MTCL3: variants seen among roughly 807,000 people sequenced by gnomAD.
MTCL3 encodes MTCL family member 3.
chr6:127,510,505 C>CA, the MTCL3 span, among the ~76,000 whole-genome samples: 1 of 152,182 alleles, frequency 6.6e-6, no homozygotes, highest in Non-Finnish European at 1.5e-5. Flanking sequence ...AATGGATAGA[C>CA]AGTCTATGCA....
chr6:127,514,842 C>A, the MTCL3 span: 1 of 1,612,922 alleles, frequency 6.2e-7, no homozygotes, highest in Non-Finnish European at 8.5e-7. Context: ...CTGCTCCAGG[C>A]TGCGCAACAG....
the MTCL3 span, chr6:127,482,991 C>G: frequency 6.3e-7 from 1 of 1,596,688 alleles, no homozygotes; most frequent in Non-Finnish European, 8.5e-7. The surrounding 1 kb of genome is among the most constrained non-coding windows in gnomAD (Gnocchi z 4.1). Flanking sequence ...ATAACTGAAA[C>G]AAAGCATGAA....
At chr6:127,493,446 A>T in the MTCL3 span, among the ~76,000 whole-genome samples, 1 of 152,228 alleles carries the variant, frequency 6.6e-6, no homozygotes, top group African/African-American at 2.4e-5. Context: ...TGTTTCCAGA[A>T]GGTAATAATA....
the MTCL3 span, among the ~76,000 whole-genome samples, chr6:127,508,317 A>G: frequency 6.6e-6 from 1 of 152,260 alleles, no homozygotes; most frequent in Non-Finnish European, 1.5e-5. Context: ...TATATAGTAC[A>G]GAATTTGCCT....
At chr6:127,490,235 T>TTA in the MTCL3 span, among the ~76,000 whole-genome samples, 1 of 152,120 alleles carries the variant, frequency 6.6e-6, no homozygotes, top group South Asian at 2.1e-4. Context: ...GACCTACTGC[T>TTA]CAGAAGAAAG....
the MTCL3 span, among the ~76,000 whole-genome samples, chr6:127,477,962 A>G: frequency 6.6e-6 from 1 of 152,202 alleles, no homozygotes; most frequent in East Asian, 1.9e-4. Flanking sequence ...CATAAAAGAA[A>G]AAAAAATAGA....
At chr6:127,515,607 G>C in the MTCL3 span, 1 of 1,421,478 alleles carries the variant, frequency 7.0e-7, no homozygotes, top group East Asian at 2.9e-5. This position sits in a 1 kb window ranked among gnomAD's most constrained non-coding sequence, Gnocchi z 4.3. Context: ...GCGACGAAGG[G>C]GGCGCTGCCG....
the MTCL3 span, chr6:127,476,524 G>C: frequency 7.1e-7 from 1 of 1,410,210 alleles, no homozygotes; most frequent in Admixed American, 2.3e-5. This position sits in a 1 kb window ranked among gnomAD's most constrained non-coding sequence, Gnocchi z 4.4. Flanking sequence ...GTAAATCAAG[G>C]AAACAACCAA....
the MTCL3 span, among the ~76,000 whole-genome samples, chr6:127,513,594 T>A: frequency 1.4e-4 from 22 of 152,220 alleles, no homozygotes; most frequent in African/African-American, 5.3e-4. Flanking sequence ...AAAGTTTTAG[T>A]CCTTGAGATT....
chr6:127,506,550 T>C, the MTCL3 span, among the ~76,000 whole-genome samples: 1 of 152,188 alleles, frequency 6.6e-6, no homozygotes, highest in Non-Finnish European at 1.5e-5. Context: ...TTTATGGCTT[T>C]ATTGTGAACC....
chr6:127,483,846 G>C, the MTCL3 span, among the ~76,000 whole-genome samples: 2 of 152,170 alleles, frequency 1.3e-5, no homozygotes, highest in Non-Finnish European at 2.9e-5. Flanking sequence ...ACTACACATT[G>C]AGGGGGAGAC....
chr6:127,502,369 T>C, the MTCL3 span, among the ~76,000 whole-genome samples: 2 of 152,222 alleles, frequency 1.3e-5, no homozygotes, highest in African/African-American at 4.8e-5. Context: ...TGTTGCCCTG[T>C]TGATGAATGC....
At chr6:127,514,773 T>TCCCCA in the MTCL3 span, 1 of 1,515,240 alleles carries the variant, frequency 6.6e-7, no homozygotes. Context: ...TTGGCCAAAG[T>TCCCCA]CCCCACCCAC....
chr6:127,508,174 G>C, the MTCL3 span, among the ~76,000 whole-genome samples: 1 of 152,270 alleles, frequency 6.6e-6, no homozygotes, highest in South Asian at 2.1e-4. Flanking sequence ...CTCTTGGAAT[G>C]CTTCTTCGCT....
chr6:127,485,987 A>T, the MTCL3 span, among the ~76,000 whole-genome samples: 2 of 152,200 alleles, frequency 1.3e-5, 1 homozygote, highest in South Asian at 4.1e-4. Context: ...TGCCTTTCAG[A>T]TGCACTAACT....
the MTCL3 span, chr6:127,481,563 G>T: frequency 1.3e-6 from 1 of 760,108 alleles, no homozygotes; most frequent in Non-Finnish European, 1.6e-6. Context: ...TTTAAAAAAT[G>T]TCTGAGATCA....
At chr6:127,474,773 C>G in the MTCL3 span, among the ~76,000 whole-genome samples, 1 of 152,032 alleles carries the variant, frequency 6.6e-6, no homozygotes, top group African/African-American at 2.4e-5. Context: ...AGAGACGGAT[C>G]TTGCCTTGCT....
chr6:127,482,665 T>A, the MTCL3 span, among the ~76,000 whole-genome samples: 3 of 152,204 alleles, frequency 2.0e-5, no homozygotes, highest in Non-Finnish European at 4.4e-5. The surrounding 1 kb of genome is among the most constrained non-coding windows in gnomAD (Gnocchi z 4.1). Flanking sequence ...TAGCAGCGTA[T>A]AAAATACGAA....
At chr6:127,475,658 G>T in the MTCL3 span, 6 of 1,593,052 alleles carry the variant, frequency 3.8e-6, no homozygotes, top group Non-Finnish European at 5.1e-6. The surrounding 1 kb of genome is among the most constrained non-coding windows in gnomAD (Gnocchi z 7.3). Context: ...GTGAGGCAGC[G>T]GATGTTGCGC....
Sources: gnomAD v4.1 joint callset for allele counts (sites outside exome capture counted in the v4.1 genomes callset) on GRCh38, gnomAD v4.1.1 for gene constraint, Gnocchi (gnomAD v3.1) non-coding constraint, MANE v1.5 for transcripts, NCBI Gene and HGNC (gene_info 2026-07-23, HGNC 2026-07-21) for gene names.